Variants in IGSF21 observed in about 807,000 individuals in gnomAD.
The protein encoded by IGSF21 is immunoglobulin superfamily member 21.
Under a neutral mutation model 46.8 loss-of-function variants are expected in IGSF21, and 28 were observed. That is an observed-to-expected ratio of 0.60 (90% CI 0.44 to 0.82). The LOEUF is 0.82. IGSF21 is among the 40% of genes least tolerant of loss of function. The pLI, the probability that IGSF21 is intolerant of heterozygous loss-of-function variation, is 0.00. For missense variants in IGSF21, 624 were observed against 665.5 expected (o/e 0.94, Z 0.69); for synonymous variants, 284 against 273.6 (o/e 1.04, Z -0.38).
At chr1:18,225,097 A>T (rs796753471) in intron 1 of IGSF21, among the ~76,000 whole-genome samples, 11,604 of 79,828 alleles carry the variant, frequency 0.15, 710 homozygotes, top group East Asian at 0.2. Context: ...ACACACACAC[A>T]CACACACACA....
Position 18,153,095 on chromosome 1 carries a change from G to T in IGSF21, c.70+44897G>T, listed in dbSNP as rs140540292. Among the ~76,000 whole-genome samples the T allele has an allele frequency of 5.8e-4, 88 of 152,304 alleles. 1 individual carries two copies. The highest frequency in any genetic ancestry group is 1.9e-3 in the African/African-American group (77 of 41,564). On this transcript the variant is annotated intron_variant, in intron 1 of 9. Transcript: ENST00000251296. Reference sequence around the variant, plus strand: ...GGGGCTCAGTGTTCGAGCCCCCAAGGGCACTCAGATTCTGCCCAGCAGCAG... The same window carrying T: ...GGGGCTCAGTGTTCGAGCCCCCAAGTGCACTCAGATTCTGCCCAGCAGCAG...
chr1:18,181,722 C>A (rs2086859683), intron 1 of IGSF21, among the ~76,000 whole-genome samples: 1 of 152,134 alleles, frequency 6.6e-6, no homozygotes, highest in African/African-American at 2.4e-5. Flanking sequence ...GACTCTTCTC[C>A]CAGCTCCCAG....
intron 3 of IGSF21, among the ~76,000 whole-genome samples, chr1:18,311,602 C>G (rs1015583828): frequency 6.6e-6 from 1 of 152,114 alleles, no homozygotes; most frequent in East Asian, 1.9e-4. Context: ...TCTGTTCTCA[C>G]GCTGCTAATA....
chr1:18,311,708 G>A (rs1036600233), intron 3 of IGSF21, among the ~76,000 whole-genome samples: 2 of 152,174 alleles, frequency 1.3e-5, no homozygotes, highest in Non-Finnish European at 2.9e-5. Flanking sequence ...CATGGCAGAA[G>A]GCTAAAGGCA....
chr1:18,282,635 T>TACAC (rs10522294), intron 2 of IGSF21, among the ~76,000 whole-genome samples: 24,018 of 137,428 alleles, frequency 0.17, 1,915 homozygotes, highest in Non-Finnish European at 0.19. Context: ...TCCCCTTACA[T>TACAC]ACACACACAC....
At chr1:18,146,409 G>A (rs75002618) in intron 1 of IGSF21, among the ~76,000 whole-genome samples, 3,076 of 152,192 alleles carry the variant, frequency 0.02, 61 homozygotes, top group East Asian at 0.056. Flanking sequence ...TTGGCTCAGC[G>A]GGCGACCTTG....
intron 1 of IGSF21, among the ~76,000 whole-genome samples, chr1:18,185,307 T>C (rs1321016220): frequency 3.9e-5 from 6 of 152,196 alleles, no homozygotes; most frequent in African/African-American, 1.4e-4. Flanking sequence ...GTCTCTGGGT[T>C]GTGGGTTTGG....
At chr1:18,227,193 CT>C (rs1299440161) in intron 1 of IGSF21, among the ~76,000 whole-genome samples, 1 of 152,164 alleles carries the variant, frequency 6.6e-6, no homozygotes, top group Non-Finnish European at 1.5e-5. Context: ...CCGACCCTCC[CT>C]TTAGGTGGCA....
At chr1:18,165,949 A>T (rs1344683035) in intron 1 of IGSF21, among the ~76,000 whole-genome samples, 3 of 152,096 alleles carry the variant, frequency 2.0e-5, no homozygotes, top group Non-Finnish European at 4.4e-5. Context: ...ACAAAATGTG[A>T]GGTCCCATTC....
chr1:18,347,782 A>T (rs1286584879), intron 4 of IGSF21, among the ~76,000 whole-genome samples: 1 of 152,162 alleles, frequency 6.6e-6, no homozygotes, highest in Non-Finnish European at 1.5e-5. Context: ...GCAGACTGTC[A>T]TCAGCCTCTC....
In IGSF21 at chr1:18,282,844, C is replaced by T. The variant is rs114153439; in HGVS notation, c.184-9022C>T. Among the ~76,000 whole-genome samples, 1,441 of 152,298 alleles carry T rather than the reference C, an allele frequency of 9.5e-3. 26 individuals carry two copies. The highest frequency in any genetic ancestry group is 0.033 in the African/African-American group (1,351 of 41,550). The stretch of plus-strand genomic sequence containing the variant: ...GTGAGACCTCCTGGTCTTCCCTGTG[C>T]TAACATCTAAAACTACGCATGAACA... On this transcript the variant is annotated intron_variant, in intron 2 of 9. Transcript: ENST00000251296.
intron 2 of IGSF21, among the ~76,000 whole-genome samples, chr1:18,245,891 G>A (rs936479301): frequency 5.3e-5 from 8 of 152,176 alleles, no homozygotes; most frequent in African/African-American, 1.7e-4. Flanking sequence ...CTCAGGTCAG[G>A]CTGCCTCCTG....
At chr1:18,310,041 A>C (rs764530079) in intron 3 of IGSF21, among the ~76,000 whole-genome samples, 3 of 152,148 alleles carry the variant, frequency 2.0e-5, no homozygotes, top group Non-Finnish European at 2.9e-5. Context: ...ACACCACTAA[A>C]GATCCCCAGT....
At chr1:18,281,814 T>A (rs2085163848) in intron 2 of IGSF21, among the ~76,000 whole-genome samples, 1 of 152,096 alleles carries the variant, frequency 6.6e-6, no homozygotes, top group Non-Finnish European at 1.5e-5. Context: ...CTGGACATGA[T>A]CACCTGGTCT....
At chr1:18,302,564 C>A (rs2085372669) in intron 3 of IGSF21, among the ~76,000 whole-genome samples, 1 of 152,168 alleles carries the variant, frequency 6.6e-6, no homozygotes, top group Non-Finnish European at 1.5e-5. Flanking sequence ...TTTCCAAGAG[C>A]CCACTTCCTA....
In IGSF21 at chr1:18,225,085, T is replaced by TCTCTCTCTCTCACACACACACACACA; in HGVS notation, c.71-2812_71-2811insTCTCTCTCTCACACACACACACACAC. Among the ~76,000 whole-genome samples, 18 of 51,582 alleles carry TCTCTCTCTCTCACACACACACACACA rather than the reference T, an allele frequency of 3.5e-4. No individual in the cohort carries two copies. The East Asian group carries it at 4.4e-3, about 13-fold the overall frequency. The allele number at this position is 51,582 out of a possible 152,430, so 33.8% of individuals were successfully genotyped here. Reference sequence around the variant, plus strand: ...GTATCTCTCTCTCTCTCTCTCTCTCTCACACACACACACACACACACACAC... The same window carrying TCTCTCTCTCTCACACACACACACACA: ...GTATCTCTCTCTCTCTCTCTCTCTCTCTCTCTCTCTCACACACACACACACACACACACACACACACACACACACAC... On this transcript the variant is annotated intron_variant, in intron 1 of 9. Transcript: ENST00000251296.
intron 1 of IGSF21, among the ~76,000 whole-genome samples, chr1:18,177,411 G>GAGGTA (rs1283644457): frequency 3.3e-5 from 5 of 151,952 alleles, no homozygotes; most frequent in African/African-American, 4.8e-5. Flanking sequence ...GTGTGTGTGT[G>GAGGTA]TGTGTGTGTG....
At chr1:18,150,994 C>A (rs2086517155) in intron 1 of IGSF21, among the ~76,000 whole-genome samples, 1 of 152,206 alleles carries the variant, frequency 6.6e-6, no homozygotes, top group Non-Finnish European at 1.5e-5. Flanking sequence ...CCAGTTGGCA[C>A]CAGAGAAAAC....
At chr1:18,288,174 A>C (rs1398186489) in intron 2 of IGSF21, among the ~76,000 whole-genome samples, 1 of 152,122 alleles carries the variant, frequency 6.6e-6, no homozygotes, top group Non-Finnish European at 1.5e-5. Flanking sequence ...TCAAACATTC[A>C]ACTGGGGATG....
Sources: gnomAD v4.1 joint callset for allele counts (sites outside exome capture counted in the v4.1 genomes callset) on GRCh38, gnomAD v4.1.1 for gene constraint, MANE v1.5 for transcripts, NCBI Gene and HGNC (gene_info 2026-07-23, HGNC 2026-07-21) for gene names.